Variants in NRXN1 observed in about 807,000 individuals in gnomAD.
NRXN1 encodes neurexin-1.
Under a neutral mutation model 150.9 loss-of-function variants are expected in NRXN1, and 39 were observed. The observed-to-expected ratio is 0.26, with a 90% confidence interval of 0.20 to 0.34. The LOEUF is 0.34. NRXN1 is among the 10% of genes least tolerant of loss of function. The pLI is 1.00. For missense variants in NRXN1, 1,815 were observed against 1,949.9 expected (o/e 0.93, Z 1.30); for synonymous variants, 924 against 757.0 (o/e 1.22, Z -3.62).
intron 8 of NRXN1, among the ~76,000 whole-genome samples, chr2:50,616,817 C>A (rs1488503232): frequency 6.6e-6 from 1 of 152,118 alleles, no homozygotes. Flanking sequence ...GCACTACATA[C>A]TAGACTGAAA....
At chr2:50,254,531 A>G (rs891320302) in intron 17 of NRXN1, among the ~76,000 whole-genome samples, 4 of 151,616 alleles carry the variant, frequency 2.6e-5, no homozygotes, top group Non-Finnish European at 5.9e-5. Flanking sequence ...AGCTCTTCCT[A>G]GCATTTTTAT....
intron 5 of NRXN1, among the ~76,000 whole-genome samples, chr2:50,635,622 A>G (rs909720535): frequency 6.6e-6 from 1 of 152,180 alleles, no homozygotes; most frequent in Non-Finnish European, 1.5e-5. Context: ...CCCAGCATAC[A>G]CAGGCTCTAC....
chr2:50,639,394 T>A (rs1683737726), intron 5 of NRXN1, among the ~76,000 whole-genome samples: 1 of 151,848 alleles, frequency 6.6e-6, no homozygotes, highest in Non-Finnish European at 1.5e-5. Context: ...CTAGTTTTTG[T>A]ATTTTCAGTA....
rs565371149 is a variant in NRXN1 at position 50,650,696 on chromosome 2, T to C, written c.833-27081A>G. On this transcript the variant is annotated intron_variant, in intron 5 of 22. Coordinates refer to ENST00000401669, the MANE Select transcript of NRXN1 (RefSeq NM_001330078.2). ...TTGTACTTCACTGTAATTCGGGTGA[T>C]AGAATACTTGCTAATACAAGCTATT... Among the ~76,000 whole-genome samples the C allele has an allele frequency of 3.3e-5, 5 of 152,164 alleles. No homozygotes were observed. The East Asian group carries it at 9.7e-4, about 30-fold the overall frequency.
chr2:50,352,838 C>T (rs907139935), intron 17 of NRXN1, among the ~76,000 whole-genome samples: 1 of 150,460 alleles, frequency 6.6e-6, no homozygotes, highest in Admixed American at 6.6e-5. Context: ...TGGAGATTTA[C>T]TGCAATCTTT....
rs377019566 is a variant in NRXN1 at position 49,928,934 on chromosome 2, C to T, written c.4217-6683G>A. 1.0e-3 allele frequency among the ~76,000 whole-genome samples: 159 copies of T among 152,248 alleles called. 1 individual carries two copies. Among genetic ancestry groups the T allele is most frequent in the African/African-American group, 3.6e-3 (151 of 41,552 alleles). On this transcript the variant is annotated intron_variant, in intron 22 of 22. Coordinates refer to ENST00000401669, the MANE Select transcript of NRXN1 (RefSeq NM_001330078.2). The stretch of plus-strand genomic sequence containing the variant: ...AAGTCTTGAGAGAGGACATGTCTGA[C>T]ACATCTTAGCCCTTCCCCAATACAT...
intron 22 of NRXN1, among the ~76,000 whole-genome samples, chr2:49,936,516 G>A (rs76183237): frequency 5.3e-5 from 8 of 152,080 alleles, no homozygotes; most frequent in East Asian, 3.9e-4. Flanking sequence ...ATAATTAACC[G>A]TATTCTCCCC....
chr2:49,947,986 A>C (rs1345017481), intron 21 of NRXN1, among the ~76,000 whole-genome samples: 1 of 152,096 alleles, frequency 6.6e-6, no homozygotes, highest in African/African-American at 2.4e-5. Flanking sequence ...ATAGATATTA[A>C]ACCGAAACTT....
chr2:50,190,878 G>A (rs1414404820), intron 18 of NRXN1, among the ~76,000 whole-genome samples: 1 of 152,026 alleles, frequency 6.6e-6, no homozygotes, highest in East Asian at 2.0e-4. Context: ...CTCACAAAGT[G>A]CTGGGATTAC....
chr2:50,102,917 A>T (rs1701158238), intron 18 of NRXN1, among the ~76,000 whole-genome samples: 1 of 152,078 alleles, frequency 6.6e-6, no homozygotes, highest in Admixed American at 6.6e-5. Context: ...ATATAAAACT[A>T]GGTTATGGAA....
chr2:50,056,315 A>G (rs2152632719), intron 19 of NRXN1, among the ~76,000 whole-genome samples: 1 of 152,290 alleles, frequency 6.6e-6, no homozygotes, highest in Non-Finnish European at 1.5e-5. Context: ...TAATAAGCCC[A>G]GCATAATACT....
At chr2:50,536,750 T>G (rs2093271210) in intron 10 of NRXN1, among the ~76,000 whole-genome samples, 1 of 152,198 alleles carries the variant, frequency 6.6e-6, no homozygotes, top group South Asian at 2.1e-4. Context: ...TGTTCATCCT[T>G]TTGGCAATTT....
At chr2:50,679,984 T>C (rs942738051) in intron 5 of NRXN1, among the ~76,000 whole-genome samples, 2 of 151,096 alleles carry the variant, frequency 1.3e-5, no homozygotes, top group African/African-American at 2.4e-5. Context: ...ATACAAAAAT[T>C]AGCTGGGCAT....
intron 17 of NRXN1, among the ~76,000 whole-genome samples, chr2:50,250,948 G>C (rs2681994): frequency 0.41 from 61,269 of 148,276 alleles, 12,831 homozygotes; most frequent in Middle Eastern, 0.46. Context: ...ATTACATATG[G>C]CATATGTAAT....
chr2:50,047,961 A>T (rs933790231), intron 21 of NRXN1, among the ~76,000 whole-genome samples: 13 of 152,288 alleles, frequency 8.5e-5, no homozygotes, highest in African/African-American at 3.1e-4. Context: ...GTGAGAAGAC[A>T]TCTCAAAACC....
intron 5 of NRXN1, among the ~76,000 whole-genome samples, chr2:50,662,953 T>G (rs1173003132): frequency 6.6e-6 from 1 of 152,044 alleles, no homozygotes; most frequent in Non-Finnish European, 1.5e-5. Context: ...TTATTTGACC[T>G]GGCAAGACAT....
chr2:49,963,962 C>T (rs1421586), intron 21 of NRXN1, among the ~76,000 whole-genome samples: 62,437 of 151,944 alleles, frequency 0.41, 13,197 homozygotes, highest in South Asian at 0.53. Context: ...GTGTCCATAA[C>T]GAAAAGAGCT....
intron 17 of NRXN1, among the ~76,000 whole-genome samples, chr2:50,380,769 T>G (rs1306626418): frequency 6.6e-6 from 1 of 152,156 alleles, no homozygotes; most frequent in Non-Finnish European, 1.5e-5. Flanking sequence ...ACTGTTACCA[T>G]AACAAAGCCT....
chr2:50,310,636 A>G (rs899520631), intron 17 of NRXN1, among the ~76,000 whole-genome samples: 4 of 152,206 alleles, frequency 2.6e-5, no homozygotes, highest in Non-Finnish European at 5.9e-5. Context: ...TGTAACAAAT[A>G]TTAATCAATC....
Sources: gnomAD v4.1 joint callset for allele counts (sites outside exome capture counted in the v4.1 genomes callset) on GRCh38, gnomAD v4.1.1 for gene constraint, MANE v1.5 for transcripts, NCBI Gene and HGNC (gene_info 2026-07-23, HGNC 2026-07-21) for gene names.